VCAN: variants seen among roughly 807,000 people sequenced by gnomAD.
The protein encoded by VCAN is versican core protein.
In VCAN, 44 loss-of-function variants were observed where a neutral mutation model predicts 245.5. The observed-to-expected ratio is 0.18, with a 90% confidence interval of 0.14 to 0.23. The LOEUF is 0.23. VCAN is among the 10% of genes least tolerant of loss of function. VCAN has a pLI of 1.00. For missense variants in VCAN, 3,793 were observed against 4,057.9 expected (o/e 0.93, Z 1.77); for synonymous variants, 1,413 against 1,437.0 (o/e 0.98, Z 0.38).
chr5:83,487,638 CTTG>C (rs1401104280), intron 2 of VCAN, among the ~76,000 whole-genome samples: 1 of 152,126 alleles, frequency 6.6e-6, no homozygotes, highest in Non-Finnish European at 1.5e-5. Context: ...TTTTGTTAAT[CTTG>C]TTAAGTTTGT....
intron 10 of VCAN, among the ~76,000 whole-genome samples, chr5:83,552,725 T>G (rs990338457): frequency 4.6e-5 from 7 of 152,194 alleles, no homozygotes; most frequent in Non-Finnish European, 8.8e-5. Flanking sequence ...TATTTCATTT[T>G]TAATAAACTT....
chr5:83,503,430 T>C (rs923408324), intron 5 of VCAN, among the ~76,000 whole-genome samples: 2 of 152,222 alleles, frequency 1.3e-5, no homozygotes, highest in African/African-American at 4.8e-5. Context: ...ATACATTTAT[T>C]ACTTATACAC....
intron 5 of VCAN, among the ~76,000 whole-genome samples, chr5:83,509,108 GGAAA>G (rs910316439): frequency 2.6e-4 from 33 of 126,632 alleles, no homozygotes; most frequent in East Asian, 7.8e-4. Context: ...AAGGAAGGAA[GGAAA>G]GAAAGAAAGA....
At chr5:83,532,497 T>A (rs1482116847) in intron 7 of VCAN, among the ~76,000 whole-genome samples, 1 of 152,054 alleles carries the variant, frequency 6.6e-6, no homozygotes, top group Non-Finnish European at 1.5e-5. Flanking sequence ...GTATAGGAAA[T>A]GTCAGCAGAA....
At chr5:83,531,694 A>AT (rs1357069754) in intron 7 of VCAN, among the ~76,000 whole-genome samples, 1 of 152,192 alleles carries the variant, frequency 6.6e-6, no homozygotes, top group African/African-American at 2.4e-5. Flanking sequence ...CGTGAACTTT[A>AT]ACCAGCTGCC....
rs577079822 is a variant in VCAN, at chr5:83,505,198, C to T, written c.749-6905C>T. ...TTCAAAACCAATCATGCCTTCCCAA[C>T]AGTTCCCCAAAGTCTTAACTCATTT... On this transcript the variant is annotated intron_variant, in intron 5 of 14. Transcript: ENST00000265077. Among the ~76,000 whole-genome samples the T allele has an allele frequency of 1.2e-3, 180 of 152,306 alleles. 1 individual carries two copies. The highest frequency in any genetic ancestry group is 2.0e-3 in the Non-Finnish European group (134 of 68,026).
Position 83,521,664 on chromosome 5 carries a change from G to GT in VCAN, c.3359dup (p.Thr1121AsnfsTer17). ...GCACAAAGTGAAAACAGATGAAGTG[G>GT]TAACACTAACACCACGCATTGGGCC... On this transcript the variant is annotated frameshift_variant, in exon 7 of 15. Coordinates refer to ENST00000265077, the MANE Select transcript of VCAN (RefSeq NM_004385.5). LOFTEE classifies it high-confidence loss of function. The GT allele has an allele frequency of 6.2e-7, 1 of 1,613,822 alleles. No homozygotes were observed.
At chr5:83,481,828 G>A (rs543510437) in intron 1 of VCAN, among the ~76,000 whole-genome samples, 1 of 152,190 alleles carries the variant, frequency 6.6e-6, no homozygotes, top group African/African-American at 2.4e-5. Context: ...AAAAAATTAA[G>A]AGAAAAGGTC....
intron 5 of VCAN, among the ~76,000 whole-genome samples, chr5:83,502,762 T>C (rs1047873508): frequency 4.3e-5 from 6 of 139,190 alleles, no homozygotes. Context: ...AATACTCTAA[T>C]AATTAATTAC....
In VCAN at chr5:83,540,867, A is replaced by T. The variant is rs1439512050; in HGVS notation, c.7864A>T (p.Ile2622Phe). 6 of 1,613,866 alleles carry T rather than the reference A, an allele frequency of 3.7e-6. No homozygotes were observed. In the South Asian group the frequency reaches 6.6e-5, roughly 18 times the overall value. ...TGATGACAGCACTCAAGTTCAAGAGATCTATGAGGCAGCTGTCAACCTTTC... is the reference window on the plus strand; with the variant it reads ...TGATGACAGCACTCAAGTTCAAGAGTTCTATGAGGCAGCTGTCAACCTTTC... Reference protein sequence around the residue: ...SNDDSTQVQEIYEAAVNLSLT... With the variant: ...SNDDSTQVQEFYEAAVNLSLT... The change falls in exon 8 of 15, where the codon ATC (isoleucine) becomes TTC (phenylalanine). Residue 2622 changes from isoleucine (I) to phenylalanine (F), a missense_variant. Physicochemically the swap from Ile to Phe is conservative, Grantham distance 21. Transcript: ENST00000265077.
intron 1 of VCAN, 87 bp from the exon 2 acceptor site, chr5:83,483,426 A>G: frequency 9.6e-7 from 1 of 1,036,340 alleles, no homozygotes; most frequent in Non-Finnish European, 1.5e-6. Context: ...TACCCTTATT[A>G]CATACAATGC....
chr5:83,516,089 G>A (rs556832061), intron 6 of VCAN, among the ~76,000 whole-genome samples: 4 of 152,176 alleles, frequency 2.6e-5, no homozygotes, highest in East Asian at 1.9e-4. Context: ...AAAATTAGCC[G>A]GGCATGGTGG....
In VCAN at chr5:83,521,468, G is replaced by A; in HGVS notation, c.3162G>A (p.Trp1054Ter). 6.2e-7 allele frequency: 1 copy of A among 1,614,044 alleles called. No homozygotes were observed. The change falls in exon 7 of 15, where the codon TGG becomes TGA. Residue 1054 changes from tryptophan (W) to a stop codon, truncating the protein, a stop_gained. Transcript: ENST00000265077. LOFTEE classifies it high-confidence loss of function. The stretch of plus-strand genomic sequence containing the variant: ...TTCCTGCTCTCAGTTCTACAGCTTG[G>A]ACTCCCAAGGAGGCAGTAACACCAC... ...KPVPALSSTA[W>*]TPKEAVTPLD...
chr5:83,542,650 A>G (rs1292692381), intron 8 of VCAN, among the ~76,000 whole-genome samples: 1 of 152,216 alleles, frequency 6.6e-6, no homozygotes, highest in African/African-American at 2.4e-5. Flanking sequence ...CTATTTTTAA[A>G]AACCCTCCCA....
chr5:83,541,085 A>T lies in VCAN; in HGVS notation c.8082A>T (p.Pro2694=). The part of the protein sequence containing the change: ...DVLLPTATSL[P]IPRKSATVIP... ...TACTTCCCACGGCAACATCCCTGCC[A>T]ATTCCTCGTAAGTCTGCCACAGTTA... is the stretch of plus-strand genomic sequence containing the variant. The change falls in exon 8 of 15, where the codon CCA becomes CCT. Residue 2694 remains proline (P), a synonymous_variant. Transcript: ENST00000265077. 1 of 1,614,140 alleles carries T rather than the reference A, an allele frequency of 6.2e-7. No individual in the cohort carries two copies. Among genetic ancestry groups the T allele is most frequent in the Non-Finnish European group, 8.5e-7 (1 of 1,179,978 alleles).
chr5:83,484,557 A>G (rs1744730998), intron 2 of VCAN, among the ~76,000 whole-genome samples: 1 of 151,658 alleles, frequency 6.6e-6, no homozygotes, highest in African/African-American at 2.4e-5. Context: ...CCATCCATTC[A>G]TCCATCCATT....
In VCAN at chr5:83,579,990, C is replaced by G. The variant is rs1374413105; in HGVS notation, c.9891C>G (p.Gly3297=). The change falls in exon 14 of 15, where the codon GGC becomes GGG. Residue 3297 remains glycine, a synonymous_variant. Transcript: ENST00000265077. ...TTTGCTTTCCTTTAGTCGCTTGCGG[C>G]CAGCCCCCTGTTGTAGAAAATGCCA... is the stretch of plus-strand genomic sequence containing the variant. ...YTCKKGTVAC[G]QPPVVENAKT... The G allele has an allele frequency of 6.2e-7, 1 of 1,614,040 alleles. No individual in the cohort carries two copies. The highest frequency in any genetic ancestry group is 1.7e-5 in the Admixed American group (1 of 59,994).
intron 13 of VCAN, among the ~76,000 whole-genome samples, chr5:83,576,617 G>A (rs1748491474): frequency 6.6e-6 from 1 of 152,038 alleles, no homozygotes; most frequent in African/African-American, 2.4e-5. Flanking sequence ...TAGGATATAT[G>A]TACCATAAAA....
chr5:83,563,820 A>G (rs1747970318), intron 12 of VCAN, among the ~76,000 whole-genome samples: 1 of 152,144 alleles, frequency 6.6e-6, no homozygotes, highest in Admixed American at 6.5e-5. Flanking sequence ...TTTACGGAAA[A>G]ACAAACTAAC....
Sources: allele counts gnomAD v4.1 joint callset (sites outside exome capture counted in the v4.1 genomes callset), GRCh38; gene constraint gnomAD v4.1.1; transcripts MANE v1.5; gene names NCBI Gene and HGNC (gene_info 2026-07-23, HGNC 2026-07-21).